ZFAT: variants seen among roughly 807,000 people sequenced by gnomAD.
The protein encoded by ZFAT is zinc finger and AT-hook domain containing.
A neutral mutation model predicts 117.7 loss-of-function variants in ZFAT; 64 were observed. That is an observed-to-expected ratio of 0.54 (90% confidence interval 0.44 to 0.67). ZFAT has a LOEUF of 0.67. Among genes scored for constraint, ZFAT ranks in the 30% least tolerant of loss-of-function variants. The pLI is 0.00. For synonymous variants in ZFAT, 679 were observed against 615.0 expected (o/e 1.10, Z -1.54); for missense variants, 1,433 against 1,584.5 (o/e 0.90, Z 1.62).
the ZFAT span, chr8:134,792,931 G>A: frequency 6.6e-6 from 1 of 151,990 alleles, no homozygotes; most frequent in African/African-American, 2.4e-5. Context: ...TATTTTCTTA[G>A]TAAAAGGAAA....
At chr8:134,687,884 G>A (rs1479175553) in intron 1 of ZFAT, among the ~76,000 whole-genome samples, 1 of 152,164 alleles carries the variant, frequency 6.6e-6, no homozygotes, top group Non-Finnish European at 1.5e-5. Context: ...CTGTTCCTCC[G>A]TGGGGCAGGC....
upstream of ZFAT, among the ~76,000 whole-genome samples, chr8:134,714,063 CA>C (rs1486002298): frequency 7.0e-6 from 1 of 142,372 alleles, no homozygotes; most frequent in Non-Finnish European, 1.5e-5. Flanking sequence ...TTTACATTTT[CA>C]AAAATCAGTC....
intron 12 of ZFAT, among the ~76,000 whole-genome samples, chr8:134,527,861 C>A (rs1821134018): frequency 6.6e-6 from 1 of 152,240 alleles, no homozygotes; most frequent in Admixed American, 6.5e-5. Context: ...GCCCCCTCCC[C>A]TCACATACGC....
At chr8:134,755,301 T>C in the ZFAT span, among the ~76,000 whole-genome samples, 1 of 149,690 alleles carries the variant, frequency 6.7e-6, no homozygotes, top group Non-Finnish European at 1.5e-5. Flanking sequence ...TAGTCCCAGC[T>C]ACTTGGGAGG....
At chr8:134,825,633 A>G in the ZFAT span, among the ~76,000 whole-genome samples, 48,090 of 152,116 alleles carry the variant, frequency 0.32, 8,526 homozygotes, top group African/African-American at 0.47. Flanking sequence ...ACTAAAAGGA[A>G]AAAGGAGTGA....
In ZFAT at chr8:134,638,598, G is replaced by A. The variant is rs191741180; in HGVS notation, c.197-886C>T. ...AAAAACATTAACCAGGCGTGGTGGC[G>A]GGCACCTGTAGTCCCAGCTACTCAG... On this transcript the variant is annotated intron_variant, in intron 2 of 15. Coordinates refer to ENST00000377838, the MANE Select transcript of ZFAT (RefSeq NM_020863.4). Among the ~76,000 whole-genome samples the A allele has an allele frequency of 1.3e-3, 195 of 151,036 alleles. 1 individual carries two copies. Among genetic ancestry groups the A allele is most frequent in the African/African-American group, 4.2e-3 (173 of 40,966 alleles).
chr8:134,733,100 A>G, the ZFAT span, among the ~76,000 whole-genome samples: 4 of 152,192 alleles, frequency 2.6e-5, no homozygotes, highest in African/African-American at 9.6e-5. Flanking sequence ...TTTACACTCA[A>G]TTTTTCTGTA....
intron 15 of ZFAT, among the ~76,000 whole-genome samples, chr8:134,490,275 C>T (rs1164341659): frequency 5.3e-5 from 8 of 152,140 alleles, no homozygotes; most frequent in African/African-American, 9.7e-5. Context: ...GAATGGTGAG[C>T]GTGGTCACTG....
the ZFAT span, among the ~76,000 whole-genome samples, chr8:134,758,057 C>T: frequency 6.6e-5 from 10 of 152,166 alleles, no homozygotes; most frequent in Non-Finnish European, 1.5e-4. Context: ...TGAGATTCCA[C>T]GAACTCAAAT....
intron 1 of ZFAT, among the ~76,000 whole-genome samples, chr8:134,665,954 A>G (rs1158817930): frequency 1.3e-5 from 2 of 152,046 alleles, no homozygotes; most frequent in Non-Finnish European, 2.9e-5. Context: ...CTCAAGTAAA[A>G]ACTCAAAATA....
the ZFAT span, among the ~76,000 whole-genome samples, chr8:134,771,107 C>A: frequency 6.6e-6 from 1 of 152,198 alleles, no homozygotes; most frequent in Non-Finnish European, 1.5e-5. Context: ...GTCTGTCACC[C>A]ACACCTATTC....
At chr8:134,811,415 A>G in the ZFAT span, among the ~76,000 whole-genome samples, 1 of 152,194 alleles carries the variant, frequency 6.6e-6, no homozygotes, top group South Asian at 2.1e-4. Context: ...ATAATTGGGG[A>G]TATCTGCATA....
intron 1 of ZFAT, among the ~76,000 whole-genome samples, chr8:134,680,335 A>C (rs1833017104): frequency 6.6e-6 from 1 of 151,926 alleles, no homozygotes; most frequent in African/African-American, 2.4e-5. Context: ...GCACTGGATG[A>C]TAGTTTGGCT....
At chr8:134,598,999 C>T (rs1827186169) in intron 7 of ZFAT, 1 of 152,230 alleles carries the variant, frequency 6.6e-6, no homozygotes, top group Non-Finnish European at 1.5e-5. Context: ...AGAACTTGTT[C>T]TCATATTGGC....
chr8:134,824,931 A>G, the ZFAT span, among the ~76,000 whole-genome samples: 1 of 152,250 alleles, frequency 6.6e-6, no homozygotes, highest in South Asian at 2.1e-4. Flanking sequence ...TGTAAGGCAT[A>G]GAATGTAACT....
chr8:134,478,274 G>A lies in ZFAT; in HGVS notation c.*208C>T. 1 of 646,598 alleles carries A rather than the reference G, an allele frequency of 1.5e-6. No homozygotes were observed. Among genetic ancestry groups the A allele is most frequent in the Non-Finnish European group, 2.6e-6 (1 of 380,504 alleles). The allele number at this position is 646,598 out of a possible 1,614,324, so 40.1% of individuals were successfully genotyped here. A position where few individuals can be genotyped will look rare whatever the true frequency, so the allele number is the denominator to read the frequency against. ...TAAGGGTCAGGGGGTGTGTGTCTAT[G>A]CTGGGGTGAGGGTCCTGTGGTATTG... On this transcript the variant is annotated 3_prime_UTR_variant, in exon 16 of 16. Transcript: ENST00000377838. The surrounding 1 kb of genome is among the most constrained non-coding windows in gnomAD (Gnocchi z 5.2).
chr8:134,574,289 C>T (rs759092092), intron 10 of ZFAT, among the ~76,000 whole-genome samples: 4 of 152,162 alleles, frequency 2.6e-5, no homozygotes, highest in Non-Finnish European at 5.9e-5. Flanking sequence ...AAGGGAGCCA[C>T]ACTCTGAGCT....
At chr8:134,497,833 C>G (rs535691080) in intron 15 of ZFAT, among the ~76,000 whole-genome samples, 7 of 137,142 alleles carry the variant, frequency 5.1e-5, no homozygotes, top group Admixed American at 3.7e-4. Flanking sequence ...CACACAGAGC[C>G]TGATTTGGTA....
chr8:134,504,780 C>A lies in ZFAT; in HGVS notation c.3492+4839G>T, dbSNP rs191107336. On this transcript the variant is annotated intron_variant, in intron 15 of 15. Transcript: ENST00000377838. The stretch of plus-strand genomic sequence containing the variant: ...TGAGATACTTCCGAGACTTGGAATC[C>A]TTGGCCCATGTTACAACCAGGCAAG... Among the ~76,000 whole-genome samples the A allele has an allele frequency of 2.4e-4, 36 of 152,262 alleles. 1 individual carries two copies. Among genetic ancestry groups the A allele is most frequent in the Admixed American group, 2.2e-3 (33 of 15,290 alleles).
Sources: allele counts gnomAD v4.1 joint callset (sites outside exome capture counted in the v4.1 genomes callset), GRCh38; gene constraint gnomAD v4.1.1; non-coding constraint Gnocchi (gnomAD v3.1); transcripts MANE v1.5; gene names NCBI Gene and HGNC (gene_info 2026-07-23, HGNC 2026-07-21).